CTDSP2: variants seen among roughly 807,000 people sequenced by gnomAD.
CTDSP2 encodes carboxy-terminal domain RNA polymerase II polypeptide A small phosphatase 2.
CTDSP2 carries 9 observed loss-of-function variants against 31.6 expected under a neutral mutation model. That is an observed-to-expected ratio of 0.28 (90% confidence interval 0.17 to 0.50). The LOEUF (loss-of-function observed/expected upper bound fraction) is 0.50. Ranked by LOEUF, CTDSP2 falls within the 20% of genes least tolerant of loss-of-function variation. The pLI is 0.98. For missense variants in CTDSP2, 267 were observed against 348.5 expected, an observed-to-expected ratio of 0.77 and a Z score of 1.86; for synonymous variants, 134 against 134.5, an observed-to-expected ratio of 1.00 and a Z score of 0.03.
At position 57,823,354 on chromosome 12, in the gene CTDSP2, CACAA is replaced by C. The variant is rs1231218245; in HGVS notation, c.*244_*247del. 1 of 535,316 alleles carries C rather than the reference CACAA, an allele frequency of 1.9e-6. No individual in the cohort carries two copies. The highest frequency in any genetic ancestry group is 3.4e-6 in the Non-Finnish European group (1 of 295,818). 33.2% of individuals were successfully genotyped at this position (535,316 alleles called of 1,614,324 possible). A position where few individuals can be genotyped will look rare whatever the true frequency, so the allele number is the denominator to read the frequency against. On this transcript the variant is annotated 3_prime_UTR_variant, in exon 8 of 8. Transcript: ENST00000398073. ...GCCACAGTTCATGGCAAAACACACA[CACAA>C]ACACACACTCTCTCACAGTCAAACA...
intron 1 of CTDSP2, among the ~76,000 whole-genome samples, chr12:57,835,250 C>T (rs899127898): frequency 2.0e-5 from 3 of 151,982 alleles, no homozygotes; most frequent in Non-Finnish European, 2.9e-5. Flanking sequence ...ATTGCTTGAA[C>T]CCAGAAGGCG....
At chr12:57,828,374 G>C (rs1041800150) in intron 2 of CTDSP2, among the ~76,000 whole-genome samples, 1 of 148,374 alleles carries the variant, frequency 6.7e-6, no homozygotes, top group Admixed American at 6.8e-5. Context: ...AGCCAAGATC[G>C]CACGCCATTG....
At chr12:57,824,557 A>G in intron 5 of CTDSP2, 1 of 667,768 alleles carries the variant, frequency 1.5e-6, no homozygotes, top group East Asian at 3.0e-5. Context: ...CTCAGGAAGA[A>G]GCGCACACAC....
At chr12:57,828,212 G>A (rs963779058) in intron 2 of CTDSP2, among the ~76,000 whole-genome samples, 1 of 152,164 alleles carries the variant, frequency 6.6e-6, no homozygotes, top group East Asian at 1.9e-4. Context: ...CTGAGGTCAG[G>A]AGTTCGAGAC....
chr12:57,839,743 C>T (rs973664253), intron 1 of CTDSP2, among the ~76,000 whole-genome samples: 1 of 151,994 alleles, frequency 6.6e-6, no homozygotes, highest in African/African-American at 2.4e-5. Flanking sequence ...AGTGAAATGC[C>T]AGACAATGCA....
intron 1 of CTDSP2, among the ~76,000 whole-genome samples, chr12:57,834,319 C>T (rs1225737718): frequency 3.3e-5 from 5 of 152,106 alleles, no homozygotes; most frequent in Admixed American, 6.5e-5. Context: ...TTCTTGGGAA[C>T]TTTTGCTCTC....
chr12:57,824,536 C>T (rs1421545575), intron 5 of CTDSP2: 3 of 667,596 alleles, frequency 4.5e-6, no homozygotes, highest in Non-Finnish European at 8.5e-6. Context: ...GTGGTCCCAA[C>T]CTCAACCTGG....
At chr12:57,836,681 T>TG (rs949567500) in intron 1 of CTDSP2, among the ~76,000 whole-genome samples, 7 of 152,104 alleles carry the variant, frequency 4.6e-5, no homozygotes, top group African/African-American at 1.7e-4. Flanking sequence ...CGTGAACACG[T>TG]GCACACATAC....
In CTDSP2 at chr12:57,826,411, C is replaced by T. The variant is rs1956183365; in HGVS notation, c.355-9G>A. ...TCAGCATTGTTGATTGGCTGGAAGGCAGAAAAGTTAATGCTGTCAGCATGG... is the reference window on the plus strand; with the variant it reads ...TCAGCATTGTTGATTGGCTGGAAGGTAGAAAAGTTAATGCTGTCAGCATGG... On this transcript the variant is annotated splice_polypyrimidine_tract_variant and intron_variant, in intron 4 of 7. Coordinates refer to ENST00000398073, the MANE Select transcript of CTDSP2 (RefSeq NM_005730.4). 6.2e-7 allele frequency: 1 copy of T among 1,614,006 alleles called. No homozygotes were observed. The highest frequency in any genetic ancestry group is 1.3e-5 in the African/African-American group (1 of 75,040).
chr12:57,843,926 G>C (rs190421918), intron 1 of CTDSP2, among the ~76,000 whole-genome samples: 1 of 152,140 alleles, frequency 6.6e-6, no homozygotes. Context: ...GGCCGGGCGC[G>C]GTGGCTCACG....
At chr12:57,838,818 T>C (rs1262055683) in intron 1 of CTDSP2, among the ~76,000 whole-genome samples, 5 of 152,220 alleles carry the variant, frequency 3.3e-5, no homozygotes, top group South Asian at 2.1e-4. Context: ...AGTGTCAGAA[T>C]TGCAGGGAGC....
At chr12:57,830,417 A>C (rs1170522006) in intron 1 of CTDSP2, among the ~76,000 whole-genome samples, 2 of 150,848 alleles carry the variant, frequency 1.3e-5, no homozygotes, top group Non-Finnish European at 3.0e-5. Flanking sequence ...ACAAACAAAC[A>C]AAACCAACAA....
Position 57,819,933 on chromosome 12 carries a change from GA to G in CTDSP2, c.*3668del, listed in dbSNP as rs1956133544. ...AGGTTGGTGGCAGCTCACATTCCTGGAAAGGTTTTTTAAACCCACTTTTATT... is the reference window on the plus strand; with the variant it reads ...AGGTTGGTGGCAGCTCACATTCCTGGAAGGTTTTTTAAACCCACTTTTATT... On this transcript the variant is annotated 3_prime_UTR_variant, in exon 8 of 8. Transcript: ENST00000398073. 6.6e-6 allele frequency: 1 copy of G among 152,662 alleles called. No individual in the cohort carries two copies. The highest frequency in any genetic ancestry group is 2.1e-4 in the South Asian group (1 of 4,838). 9.5% of individuals were successfully genotyped at this position (152,662 alleles called of 1,614,324 possible).
At chr12:57,825,694 G>C (rs2140473927) in intron 5 of CTDSP2, among the ~76,000 whole-genome samples, 1 of 152,336 alleles carries the variant, frequency 6.6e-6, no homozygotes, top group East Asian at 1.9e-4. Flanking sequence ...CTGCAGGCTG[G>C]AGCCTGGTCT....
intron 1 of CTDSP2, among the ~76,000 whole-genome samples, chr12:57,838,393 T>C (rs1956260657): frequency 6.6e-6 from 1 of 152,206 alleles, no homozygotes. Context: ...TGTGAGGGAT[T>C]GGAAACCACA....
Position 57,824,066 on chromosome 12 carries a change from C to T in CTDSP2, c.528G>A (p.Leu176=). 6.2e-7 allele frequency: 1 copy of T among 1,614,084 alleles called. No homozygotes were observed. Residue 176 remains leucine (L), a synonymous_variant, in exon 7 of 8, where the codon CTG becomes CTA. Transcript: ENST00000398073. ...LAKYADPVTD[L]LDRCGVFRAR... ...CCCGGAACACCCCACACCGGTCCAG[C>T]AGGTCTGTCACAGGGTCGGCATACT... is the stretch of plus-strand genomic sequence containing the variant.
intron 1 of CTDSP2, among the ~76,000 whole-genome samples, chr12:57,845,235 G>C (rs1004117892): frequency 1.3e-5 from 2 of 152,240 alleles, no homozygotes; most frequent in Admixed American, 6.5e-5. Context: ...GGCCCCGGTC[G>C]GGGGGCTCTC....
chr12:57,843,937 C>A (rs550026906), intron 1 of CTDSP2, among the ~76,000 whole-genome samples: 1 of 152,302 alleles, frequency 6.6e-6, no homozygotes, highest in South Asian at 2.1e-4. Context: ...GTGGCTCACG[C>A]CTGTAATCCC....
chr12:57,837,385 C>T (rs2140481936), intron 1 of CTDSP2, among the ~76,000 whole-genome samples: 1 of 152,272 alleles, frequency 6.6e-6, no homozygotes, highest in East Asian at 1.9e-4. Context: ...TCCCGAAGTT[C>T]CAAAAAGTAG....
Sources: allele counts gnomAD v4.1 joint callset (sites outside exome capture counted in the v4.1 genomes callset), GRCh38; gene constraint gnomAD v4.1.1; transcripts MANE v1.5; gene names NCBI Gene and HGNC (gene_info 2026-07-23, HGNC 2026-07-21).